LRRTM4: variants seen among roughly 807,000 people sequenced by gnomAD.
LRRTM4 encodes the protein leucine rich repeat transmembrane neuronal 4.
A neutral mutation model predicts 47.6 loss-of-function variants in LRRTM4; 25 were observed. The ratio of observed to expected loss-of-function variants is 0.53; its 90% CI spans 0.38 to 0.73. The LOEUF is 0.73. Among genes scored for constraint, LRRTM4 ranks in the 30% least tolerant of loss-of-function variants. The pLI, the probability that LRRTM4 is intolerant of heterozygous loss-of-function variation, is 0.00. For missense variants in LRRTM4, 638 were observed against 713.4 expected, an observed-to-expected ratio of 0.89 and a Z score of 1.20; for synonymous variants, 311 against 269.5, an observed-to-expected ratio of 1.15 and a Z score of -1.51.
intron 3 of LRRTM4, among the ~76,000 whole-genome samples, chr2:77,371,542 T>C (rs549731330): frequency 1.3e-5 from 2 of 151,834 alleles, no homozygotes; most frequent in African/African-American, 4.8e-5. Flanking sequence ...TCCACCTCTT[T>C]ATCTATTACA....
At chr2:76,880,196 C>T (rs188194631) in intron 3 of LRRTM4, among the ~76,000 whole-genome samples, 7 of 152,190 alleles carry the variant, frequency 4.6e-5, no homozygotes, top group South Asian at 2.1e-4. Flanking sequence ...GGGTGAAATG[C>T]GGGTACAGCA....
intron 3 of LRRTM4, among the ~76,000 whole-genome samples, chr2:77,179,667 G>T (rs1037034300): frequency 6.6e-6 from 1 of 152,018 alleles, no homozygotes; most frequent in Admixed American, 6.6e-5. Flanking sequence ...TCCTAATAAG[G>T]TTGATTCGGG....
At chr2:77,470,497 A>G (rs1677149101) in intron 3 of LRRTM4, among the ~76,000 whole-genome samples, 1 of 152,222 alleles carries the variant, frequency 6.6e-6, no homozygotes, top group Non-Finnish European at 1.5e-5. Flanking sequence ...TTCATTTGGT[A>G]CAATGAAGAC....
intron 3 of LRRTM4, among the ~76,000 whole-genome samples, chr2:77,006,998 C>T (rs1393415073): frequency 1.3e-5 from 2 of 151,884 alleles, no homozygotes; most frequent in African/African-American, 4.8e-5. Context: ...AAGAGGAATA[C>T]CTAATAGGAT....
chr2:76,828,980 T>A (rs1191573365), intron 3 of LRRTM4, among the ~76,000 whole-genome samples: 1 of 152,018 alleles, frequency 6.6e-6, no homozygotes, highest in African/African-American at 2.4e-5. Flanking sequence ...CTAAATCATC[T>A]GCTTTGAGTA....
At chr2:77,416,629 C>A (rs1334381713) in intron 3 of LRRTM4, among the ~76,000 whole-genome samples, 1 of 151,940 alleles carries the variant, frequency 6.6e-6, no homozygotes, top group African/African-American at 2.4e-5. Context: ...TTATCTCTAA[C>A]TAAGGTGTTC....
In LRRTM4 at chr2:77,217,461, A is replaced by ATATATATATATATG. The variant is rs1383554161; in HGVS notation, c.1551+300856_1551+300857insCATATATATATATA. Among the ~76,000 whole-genome samples the ATATATATATATATG allele has an allele frequency of 1.5e-4, 21 of 138,536 alleles. 2 individuals carry two copies. The highest frequency in any genetic ancestry group is 5.8e-4 in the African/African-American group (21 of 36,142). The allele number at this position is 138,536 out of a possible 152,430, so 90.9% of individuals were successfully genotyped here. A position where few individuals can be genotyped will look rare whatever the true frequency, so the allele number is the denominator to read the frequency against. Reference sequence around the variant, plus strand: ...ATGAAATATATATATATATATATATATATATATACTAAGCCTTTAATTTAA... The same window carrying ATATATATATATATG: ...ATGAAATATATATATATATATATATATATATATATATATGTATATATACTAAGCCTTTAATTTAA... On this transcript the variant is annotated intron_variant, in intron 3 of 3. Coordinates refer to ENST00000409884, the MANE Select transcript of LRRTM4 (RefSeq NM_001134745.3).
intron 3 of LRRTM4, among the ~76,000 whole-genome samples, chr2:77,096,814 TA>T (rs1477194390): frequency 6.6e-6 from 1 of 151,608 alleles, no homozygotes; most frequent in Non-Finnish European, 1.5e-5. Context: ...AAATAAAGCT[TA>T]AAAAATCAGG....
At chr2:77,321,936 T>C (rs1223271708) in intron 3 of LRRTM4, among the ~76,000 whole-genome samples, 1 of 152,222 alleles carries the variant, frequency 6.6e-6, no homozygotes, top group East Asian at 1.9e-4. Flanking sequence ...ACTCATTTTC[T>C]ACATTCTCTT....
chr2:77,067,472 G>T (rs1178281207), intron 3 of LRRTM4, among the ~76,000 whole-genome samples: 4 of 151,922 alleles, frequency 2.6e-5, no homozygotes, highest in African/African-American at 9.7e-5. Context: ...TGTGGGTGGG[G>T]GGCTGGGTAT....
intron 3 of LRRTM4, among the ~76,000 whole-genome samples, chr2:77,144,152 T>C (rs1672196184): frequency 6.6e-6 from 1 of 152,136 alleles, no homozygotes; most frequent in African/African-American, 2.4e-5. Flanking sequence ...ATTTCTGAGT[T>C]GTCCTAAAGG....
At chr2:77,156,857 C>G (rs561564318) in intron 3 of LRRTM4, among the ~76,000 whole-genome samples, 2 of 151,888 alleles carry the variant, frequency 1.3e-5, no homozygotes, top group Non-Finnish European at 2.9e-5. Flanking sequence ...TAGATGTGAG[C>G]TACAGGGCCT....
At chr2:77,411,577 T>A (rs113219570) in intron 3 of LRRTM4, among the ~76,000 whole-genome samples, 1 of 147,132 alleles carries the variant, frequency 6.8e-6, no homozygotes, top group South Asian at 2.2e-4. Flanking sequence ...CTCAGCCTCC[T>A]GAGTAGCTGA....
chr2:77,503,140 C>T (rs1252996906), intron 3 of LRRTM4, among the ~76,000 whole-genome samples: 4 of 151,264 alleles, frequency 2.6e-5, no homozygotes, highest in African/African-American at 9.7e-5. Context: ...TAACATGATC[C>T]ACTTTTGTTT....
At chr2:76,782,448 C>T (rs1009438247) in intron 3 of LRRTM4, among the ~76,000 whole-genome samples, 3 of 152,130 alleles carry the variant, frequency 2.0e-5, no homozygotes, top group African/African-American at 7.2e-5. Flanking sequence ...CGATATTGCA[C>T]TAAACATGTT....
intron 3 of LRRTM4, among the ~76,000 whole-genome samples, chr2:77,146,455 A>G (rs1191925104): frequency 2.0e-5 from 3 of 152,158 alleles, no homozygotes; most frequent in Non-Finnish European, 4.4e-5. Context: ...TTTTACAGCT[A>G]AAAAGTTAAA....
chr2:77,116,374 T>G (rs1170790363), intron 3 of LRRTM4, among the ~76,000 whole-genome samples: 1 of 152,044 alleles, frequency 6.6e-6, no homozygotes, highest in Non-Finnish European at 1.5e-5. Flanking sequence ...TCACTCAAAT[T>G]GAACATTTAA....
At chr2:77,087,299 A>C (rs1398215578) in intron 3 of LRRTM4, among the ~76,000 whole-genome samples, 1 of 152,230 alleles carries the variant, frequency 6.6e-6, no homozygotes, top group East Asian at 1.9e-4. Context: ...ATACAAAACT[A>C]CAAGAGATTT....
chr2:76,929,891 A>G (rs1436795426), intron 3 of LRRTM4, among the ~76,000 whole-genome samples: 1 of 151,704 alleles, frequency 6.6e-6, no homozygotes, highest in African/African-American at 2.4e-5. Flanking sequence ...GTTTTGTACT[A>G]AAATTCTAAA....
Sources: allele counts gnomAD v4.1 joint callset (sites outside exome capture counted in the v4.1 genomes callset), GRCh38; gene constraint gnomAD v4.1.1; transcripts MANE v1.5; gene names NCBI Gene and HGNC (gene_info 2026-07-23, HGNC 2026-07-21).